COL5A2: variants seen among roughly 807,000 people sequenced by gnomAD.
The protein encoded by COL5A2 is collagen type V alpha 2 chain.
In COL5A2, 23 loss-of-function variants were observed where a neutral mutation model predicts 208.2. The observed-to-expected ratio is 0.11, with a 90% CI of 0.08 to 0.16. The LOEUF (loss-of-function observed/expected upper bound fraction) is 0.16. Among genes scored for constraint, COL5A2 ranks in the 10% least tolerant of loss-of-function variants. The pLI is 1.00. For missense variants in COL5A2, 1,590 were observed against 1,956.4 expected (o/e 0.81, Z 3.53); for synonymous variants, 625 against 628.5 (o/e 0.99, Z 0.08).
intron 22 of COL5A2, 113 bp downstream of exon 22, chr2:189,066,611 ATATTT>A: frequency 7.4e-7 from 1 of 1,345,014 alleles, no homozygotes; most frequent in African/African-American, 1.4e-5. Flanking sequence ...GAACAATGAG[ATATTT>A]TCATCTCAAG....
At chr2:189,391,191 C>T in the COL5A2 span, among the ~76,000 whole-genome samples, 1 of 152,082 alleles carries the variant, frequency 6.6e-6, no homozygotes, top group Non-Finnish European at 1.5e-5. Flanking sequence ...TTGGCTGGGT[C>T]TTGTAACACG....
chr2:189,368,145 TCA>T, the COL5A2 span, among the ~76,000 whole-genome samples: 10 of 152,244 alleles, frequency 6.6e-5, no homozygotes, highest in Non-Finnish European at 1.2e-4. Context: ...ATTGTTATTC[TCA>T]TTTTAATTTT....
chr2:189,169,969 G>A (rs975424226), intron 1 of COL5A2, among the ~76,000 whole-genome samples: 23 of 152,130 alleles, frequency 1.5e-4, no homozygotes, highest in Admixed American at 3.3e-4. Context: ...TACCCAGCTC[G>A]GCCTCTGAAA....
At chr2:189,212,918 C>T (rs910882003) in intron 1 of COL5A2, among the ~76,000 whole-genome samples, 10 of 150,974 alleles carry the variant, frequency 6.6e-5, no homozygotes, top group Non-Finnish European at 1.5e-4. Context: ...GATGGAGTTT[C>T]GCTGCTGTTG....
the COL5A2 span, among the ~76,000 whole-genome samples, chr2:189,265,453 C>T: frequency 2.6e-5 from 4 of 152,160 alleles, no homozygotes; most frequent in South Asian, 2.1e-4. Context: ...CATCAAGTGA[C>T]GTTCTCCATG....
At chr2:189,413,506 CTTCTG>C in the COL5A2 span, among the ~76,000 whole-genome samples, 12 of 152,170 alleles carry the variant, frequency 7.9e-5, no homozygotes, top group South Asian at 2.3e-3. Flanking sequence ...CCACTGAGGT[CTTCTG>C]TTCTGAGAAG....
At chr2:189,298,472 C>A in the COL5A2 span, among the ~76,000 whole-genome samples, 1 of 152,164 alleles carries the variant, frequency 6.6e-6, no homozygotes, top group African/African-American at 2.4e-5. Flanking sequence ...TCCCCCTGAC[C>A]AGCAAGAAGC....
the COL5A2 span, among the ~76,000 whole-genome samples, chr2:189,288,119 G>A: frequency 1.3e-5 from 2 of 152,002 alleles, no homozygotes; most frequent in Non-Finnish European, 2.9e-5. Flanking sequence ...AGGTCCCACA[G>A]TAAGTATCTG....
chr2:189,097,370 ACTTT>A (rs1686940913), intron 5 of COL5A2, 40 bp from the exon 6 acceptor site: 1 of 1,602,036 alleles, frequency 6.2e-7, no homozygotes. Context: ...AAAAATGTAT[ACTTT>A]CTTATTGAAT....
At chr2:189,432,146 C>T in the COL5A2 span, among the ~76,000 whole-genome samples, 1 of 152,148 alleles carries the variant, frequency 6.6e-6, no homozygotes, top group Non-Finnish European at 1.5e-5. Context: ...CAAGCAAATG[C>T]TGAGAGATTC....
the COL5A2 span, among the ~76,000 whole-genome samples, chr2:189,368,432 C>T: frequency 1.3e-5 from 2 of 152,122 alleles, no homozygotes; most frequent in African/African-American, 4.8e-5. Flanking sequence ...AGAAAAATCA[C>T]TGGTTTTCCA....
the COL5A2 span, among the ~76,000 whole-genome samples, chr2:189,257,717 T>C: frequency 6.6e-6 from 1 of 152,198 alleles, no homozygotes; most frequent in Non-Finnish European, 1.5e-5. Flanking sequence ...TTACCATGCA[T>C]TAATAATTAC....
At chr2:189,123,442 A>T (rs1687548214) in intron 1 of COL5A2, among the ~76,000 whole-genome samples, 1 of 152,142 alleles carries the variant, frequency 6.6e-6, no homozygotes, top group Admixed American at 6.5e-5. Flanking sequence ...ATTAGTTAAG[A>T]TGAGGTCATA....
the COL5A2 span, among the ~76,000 whole-genome samples, chr2:189,416,688 G>A: frequency 6.6e-6 from 1 of 152,128 alleles, no homozygotes; most frequent in Non-Finnish European, 1.5e-5. Context: ...TTGTGCACAT[G>A]TACCCTAAAA....
At chr2:189,402,343 G>A in the COL5A2 span, among the ~76,000 whole-genome samples, 2 of 152,072 alleles carry the variant, frequency 1.3e-5, no homozygotes, top group Admixed American at 6.6e-5. Context: ...TCAGCCTCCC[G>A]AGTAGCTGGG....
intron 1 of COL5A2, among the ~76,000 whole-genome samples, chr2:189,172,344 C>A (rs1033388607): frequency 5.3e-5 from 8 of 152,182 alleles, no homozygotes; most frequent in Admixed American, 1.3e-4. Flanking sequence ...CCAGGAGGTG[C>A]TTCAAAACAA....
the COL5A2 span, among the ~76,000 whole-genome samples, chr2:189,385,182 AAAG>A: frequency 3.9e-5 from 6 of 152,176 alleles, no homozygotes; most frequent in Non-Finnish European, 8.8e-5. Context: ...CCCAATAAGA[AAAG>A]AAGGAGTTAG....
chr2:189,151,173 C>A (rs988670208), intron 1 of COL5A2, among the ~76,000 whole-genome samples: 1 of 152,068 alleles, frequency 6.6e-6, no homozygotes, highest in Non-Finnish European at 1.5e-5. Context: ...CACACTAACC[C>A]CCAGCATCTT....
the COL5A2 span, among the ~76,000 whole-genome samples, chr2:189,254,558 G>T: frequency 5.3e-5 from 8 of 152,284 alleles, no homozygotes; most frequent in Admixed American, 5.2e-4. Flanking sequence ...CTGAGCATGC[G>T]CAGAGCAGAG....
Sources: allele counts gnomAD v4.1 joint callset (sites outside exome capture counted in the v4.1 genomes callset), GRCh38; gene constraint gnomAD v4.1.1; transcripts MANE v1.5; gene names NCBI Gene and HGNC (gene_info 2026-07-23, HGNC 2026-07-21).